Variants in RPH3A observed in about 807,000 individuals in gnomAD.
RPH3A encodes the protein rabphilin-3A.
RPH3A carries 48 observed loss-of-function variants against 102.2 expected under a neutral mutation model. The observed-to-expected ratio is 0.47, with a 90% CI of 0.37 to 0.60. The LOEUF (loss-of-function observed/expected upper bound fraction) is 0.60. Among genes scored for constraint, RPH3A ranks in the 20% least tolerant of loss-of-function variants. RPH3A has a pLI of 0.00. For synonymous variants in RPH3A, 310 were observed against 324.3 expected, an observed-to-expected ratio of 0.96 and a Z score of 0.47; for missense variants, 781 against 910.1, an observed-to-expected ratio of 0.86 and a Z score of 1.83.
chr12:112,621,679 G>A (rs1265903921), intron 1 of RPH3A, among the ~76,000 whole-genome samples: 8 of 151,992 alleles, frequency 5.3e-5, no homozygotes, highest in Non-Finnish European at 1.0e-4. Context: ...AAAGCAGCCA[G>A]GAAGCTCGAA....
intron 1 of RPH3A, among the ~76,000 whole-genome samples, chr12:112,768,454 C>A (rs1028399593): frequency 7.2e-5 from 11 of 152,222 alleles, no homozygotes; most frequent in Non-Finnish European, 1.5e-4. Flanking sequence ...TCTTGCTGCT[C>A]CTCACACCTA....
At chr12:112,730,018 CAT>C (rs1325087539) in intron 1 of RPH3A, among the ~76,000 whole-genome samples, 1 of 152,116 alleles carries the variant, frequency 6.6e-6, no homozygotes, top group East Asian at 1.9e-4. Flanking sequence ...CACACACACA[CAT>C]ACACACACAC....
intron 1 of RPH3A, among the ~76,000 whole-genome samples, chr12:112,735,717 T>G (rs1167900671): frequency 6.6e-6 from 1 of 152,200 alleles, no homozygotes; most frequent in Non-Finnish European, 1.5e-5. Flanking sequence ...TGGAGCAGCC[T>G]GGCTTCATGG....
intron 1 of RPH3A, among the ~76,000 whole-genome samples, chr12:112,647,541 A>T (rs1013842430): frequency 1.3e-5 from 2 of 152,146 alleles, no homozygotes; most frequent in Non-Finnish European, 2.9e-5. Flanking sequence ...GCTGCAATCA[A>T]CAGAATAAGC....
At chr12:112,588,215 G>A (rs2039451726) in intron 1 of RPH3A, among the ~76,000 whole-genome samples, 3 of 152,154 alleles carry the variant, frequency 2.0e-5, no homozygotes, top group Admixed American at 2.0e-4. Flanking sequence ...TAAATGGAGT[G>A]GACTGTGGAA....
rs536698555 is a variant in RPH3A, at chr12:112,697,584, G to T, written c.-139-94559G>T. On this transcript the variant is annotated intron_variant, in intron 1 of 21. Coordinates refer to the RPH3A transcript ENST00000543106. ...TAATCTTCACTCAAAATCCAAACAG[G>T]GCCAGGCATGGTGACTCACGCCTGA... Among the ~76,000 whole-genome samples, 5 of 152,128 alleles carry T rather than the reference G, an allele frequency of 3.3e-5. No homozygotes were observed. In the South Asian group the frequency reaches 1.0e-3, roughly 32 times the overall value.
intron 1 of RPH3A, among the ~76,000 whole-genome samples, chr12:112,609,934 T>C (rs1435206245): frequency 1.3e-5 from 2 of 152,330 alleles, no homozygotes; most frequent in Admixed American, 6.5e-5. Flanking sequence ...TGTTCCACTT[T>C]TGCAGCCTCG....
At chr12:112,805,089 C>A (rs779118905) in intron 2 of RPH3A, among the ~76,000 whole-genome samples, 1 of 151,982 alleles carries the variant, frequency 6.6e-6, no homozygotes, top group East Asian at 1.9e-4. Flanking sequence ...GCTTATTTAA[C>A]GTTAAAATAT....
At chr12:112,806,942 G>A (rs1262837038) in intron 2 of RPH3A, among the ~76,000 whole-genome samples, 4 of 152,046 alleles carry the variant, frequency 2.6e-5, no homozygotes, top group African/African-American at 9.7e-5. Context: ...TCTGAAGGAT[G>A]AATAGGAGTT....
At chr12:112,740,402 T>G (rs1377190558) in intron 1 of RPH3A, among the ~76,000 whole-genome samples, 1 of 152,184 alleles carries the variant, frequency 6.6e-6, no homozygotes, top group African/African-American at 2.4e-5. Flanking sequence ...GTATGCATAT[T>G]AATGAATATC....
intron 21 of RPH3A, 138 bp from the exon 22 acceptor site, chr12:112,896,512 A>G (rs773032593): frequency 1.8e-5 from 17 of 960,618 alleles, no homozygotes; most frequent in Admixed American, 4.6e-5. Flanking sequence ...CAGCAACGTT[A>G]TAACAACTCT....
Position 112,806,050 on chromosome 12 carries a change from G to T in RPH3A, c.-19+13787G>T, listed in dbSNP as rs183866097. On this transcript the variant is annotated intron_variant, in intron 2 of 21. Coordinates refer to ENST00000389385, the MANE Select transcript of RPH3A (RefSeq NM_001143854.2). The stretch of plus-strand genomic sequence containing the variant: ...GTACTCACATACTTAAAACCACATG[G>T]TTATATAAAATAAACCATTCACCCA... 2.3e-3 allele frequency among the ~76,000 whole-genome samples: 349 copies of T among 152,214 alleles called. 2 individuals carry two copies. The highest frequency in any genetic ancestry group is 7.0e-3 in the African/African-American group (290 of 41,530).
chr12:112,745,498 C>T (rs2040739504), intron 1 of RPH3A, among the ~76,000 whole-genome samples: 2 of 152,106 alleles, frequency 1.3e-5, no homozygotes, highest in Admixed American at 1.3e-4. Context: ...CTCTTCTTCC[C>T]ACCCTCCATT....
At chr12:112,631,661 C>T (rs10850067) in intron 1 of RPH3A, among the ~76,000 whole-genome samples, 33,838 of 151,402 alleles carry the variant, frequency 0.22, 4,468 homozygotes, top group East Asian at 0.65. Context: ...TAGGTGGGAC[C>T]ACAGCTATAT....
At chr12:112,756,326 C>A (rs2040823176) in intron 1 of RPH3A, among the ~76,000 whole-genome samples, 1 of 152,076 alleles carries the variant, frequency 6.6e-6, no homozygotes, top group South Asian at 2.1e-4. Context: ...AATTCTCCTG[C>A]CTCAGCCTCC....
chr12:112,640,763 G>A (rs895682470), intron 1 of RPH3A, among the ~76,000 whole-genome samples: 6 of 152,162 alleles, frequency 3.9e-5, no homozygotes, highest in Non-Finnish European at 7.3e-5. Context: ...ATGGAGTGGA[G>A]GAGTGTGAAG....
intron 19 of RPH3A, among the ~76,000 whole-genome samples, chr12:112,892,714 G>C (rs2043119672): frequency 6.6e-6 from 1 of 152,178 alleles, no homozygotes; most frequent in African/African-American, 2.4e-5. Flanking sequence ...CTGGTACACA[G>C]TAAATGCTAA....
In RPH3A at chr12:112,795,625, C is replaced by T. The variant is rs139709889; in HGVS notation, c.-19+3362C>T. Among the ~76,000 whole-genome samples, 13 of 152,278 alleles carry T rather than the reference C, an allele frequency of 8.5e-5. No homozygotes were observed. The East Asian group carries it at 2.5e-3, about 29-fold the overall frequency. Reference sequence around the variant, plus strand: ...TGTGACTTCAGACAAGGCCCTTAATCTCTCTGAGCCTCAGTTTCTTCAATT... The same window carrying T: ...TGTGACTTCAGACAAGGCCCTTAATTTCTCTGAGCCTCAGTTTCTTCAATT... On this transcript the variant is annotated intron_variant, in intron 2 of 21. Transcript: ENST00000389385.
At chr12:112,863,821 A>T (rs1282311535) in intron 5 of RPH3A, among the ~76,000 whole-genome samples, 5 of 152,342 alleles carry the variant, frequency 3.3e-5, no homozygotes, top group Admixed American at 2.6e-4. Flanking sequence ...GCATGACTTG[A>T]CACTCAATGT....
Sources: gnomAD v4.1 joint callset for allele counts (sites outside exome capture counted in the v4.1 genomes callset) on GRCh38, gnomAD v4.1.1 for gene constraint, MANE v1.5 for transcripts, NCBI Gene and HGNC (gene_info 2026-07-23, HGNC 2026-07-21) for gene names.